The following MYRIP variants were observed in gnomAD, a reference collection of about 807,000 sequenced individuals.
MYRIP encodes rab effector MyRIP.
MYRIP carries 49 observed loss-of-function variants against 98.0 expected under a neutral mutation model. That is an observed-to-expected ratio of 0.50 (90% CI 0.40 to 0.63). MYRIP has a LOEUF of 0.63. Among genes scored for constraint, MYRIP ranks in the 30% least tolerant of loss-of-function variants. The pLI, the probability that MYRIP is intolerant of heterozygous loss-of-function variation, is 0.00. For missense variants in MYRIP, 1,004 were observed against 1,058.2 expected (o/e 0.95, Z 0.71); for synonymous variants, 404 against 409.5 (o/e 0.99, Z 0.16).
intron 2 of MYRIP, among the ~76,000 whole-genome samples, chr3:39,980,004 C>T (rs1575433428): frequency 6.6e-6 from 1 of 152,182 alleles, no homozygotes; most frequent in African/African-American, 2.4e-5. Flanking sequence ...AATGGGGAGG[C>T]AGAAATTAGT....
At chr3:39,998,241 A>G (rs907092853) in intron 2 of MYRIP, among the ~76,000 whole-genome samples, 2 of 152,220 alleles carry the variant, frequency 1.3e-5, no homozygotes, top group African/African-American at 4.8e-5. Context: ...AGGAAGTCAA[A>G]TTGTCCGTTT....
Position 39,966,428 on chromosome 3 carries a change from T to G in MYRIP, c.110+65502T>G, listed in dbSNP as rs1437660797. 6.6e-5 allele frequency among the ~76,000 whole-genome samples: 10 copies of G among 152,322 alleles called. No individual in the cohort carries two copies. In the East Asian group the frequency reaches 1.9e-3, roughly 29 times the overall value. On this transcript the variant is annotated intron_variant, in intron 2 of 16. Coordinates refer to ENST00000302541, the MANE Select transcript of MYRIP (RefSeq NM_015460.4). ...TCCAACTTCAAGAATAATAGTTTCT[T>G]AAAGGCACAGATTATATATCCTCAG...
At chr3:40,141,622 T>C (rs1559418256) in intron 3 of MYRIP, among the ~76,000 whole-genome samples, 1 of 152,344 alleles carries the variant, frequency 6.6e-6, no homozygotes, top group East Asian at 1.9e-4. Context: ...GATTTTTGTG[T>C]AGGGTGAGAG....
chr3:40,020,064 A>C (rs1258010608), intron 2 of MYRIP, among the ~76,000 whole-genome samples: 1 of 152,154 alleles, frequency 6.6e-6, no homozygotes, highest in Non-Finnish European at 1.5e-5. Context: ...TGATGCTGAG[A>C]TTTGTGATAC....
chr3:40,218,639 T>C lies in MYRIP; in HGVS notation c.1905+8546T>C, dbSNP rs1477596835. The stretch of plus-strand genomic sequence containing the variant: ...ATATATATATATATATATATATATA[T>C]ATATATATATATATATACATACACA... On this transcript the variant is annotated intron_variant, in intron 11 of 16. Transcript: ENST00000302541. Among the ~76,000 whole-genome samples the C allele has an allele frequency of 4.7e-4, 46 of 97,724 alleles. 4 individuals carry two copies. Among genetic ancestry groups the C allele is most frequent in the East Asian group, 4.6e-3 (12 of 2,626 alleles). The allele number at this position is 97,724 out of a possible 152,430, so 64.1% of individuals were successfully genotyped here.
At chr3:40,132,959 G>A (rs1408422431) in intron 3 of MYRIP, among the ~76,000 whole-genome samples, 1 of 152,236 alleles carries the variant, frequency 6.6e-6, no homozygotes, top group Non-Finnish European at 1.5e-5. Context: ...CCATGGAGGT[G>A]TTCATGTCAG....
chr3:40,069,056 G>C (rs1948174325), intron 3 of MYRIP, among the ~76,000 whole-genome samples: 3 of 152,156 alleles, frequency 2.0e-5, no homozygotes, highest in Non-Finnish European at 4.4e-5. Context: ...TTCTAAATAA[G>C]TAGTAGTATG....
chr3:40,190,498 C>A (rs771963085), intron 10 of MYRIP, 35 bp downstream of exon 10: 1 of 1,543,198 alleles, frequency 6.5e-7, no homozygotes, highest in Non-Finnish European at 8.7e-7. Context: ...TGCACACACA[C>A]TCTTTAGGTA....
rs984205765 is a variant in MYRIP, at chr3:39,999,221, TACCATCA to T, written c.111-44828_111-44822del. On this transcript the variant is annotated intron_variant, in intron 2 of 16. Coordinates refer to ENST00000302541, the MANE Select transcript of MYRIP (RefSeq NM_015460.4). ...AGAGCTTCTGCACAGCAAAAGAAAC[TACCATCA>T]GAGTGAACAGGCCACCTACAGAATG... Among the ~76,000 whole-genome samples, 4 of 152,170 alleles carry T rather than the reference TACCATCA, an allele frequency of 2.6e-5. No individual in the cohort carries two copies. In the East Asian group the frequency reaches 5.8e-4, roughly 22 times the overall value.
chr3:40,199,549 C>A (rs948860255), intron 10 of MYRIP, among the ~76,000 whole-genome samples: 9 of 152,108 alleles, frequency 5.9e-5, no homozygotes, highest in Non-Finnish European at 1.3e-4. Context: ...AGTGACACTC[C>A]CCTGAGAACA....
chr3:40,111,801 T>A (rs964386716), intron 3 of MYRIP, among the ~76,000 whole-genome samples: 2 of 152,064 alleles, frequency 1.3e-5, no homozygotes, highest in Non-Finnish European at 2.9e-5. Context: ...AGTAATTGAG[T>A]AATTACTGTG....
intron 2 of MYRIP, among the ~76,000 whole-genome samples, chr3:40,007,985 G>C (rs1194375084): frequency 6.6e-6 from 1 of 152,122 alleles, no homozygotes; most frequent in Non-Finnish European, 1.5e-5. Context: ...CCACATATCT[G>C]GGTACTGTGG....
intron 2 of MYRIP, among the ~76,000 whole-genome samples, chr3:39,909,302 A>G (rs909446041): frequency 6.6e-6 from 1 of 152,158 alleles, no homozygotes. Context: ...TAGTATTGGT[A>G]TTTTTGTCAA....
rs115837319 is a variant in MYRIP, at chr3:39,953,358, T to A, written c.110+52432T>A. Among the ~76,000 whole-genome samples the A allele has an allele frequency of 2.6e-3, 394 of 152,354 alleles. 5 individuals are homozygous for A. Among genetic ancestry groups the A allele is most frequent in the African/African-American group, 9.0e-3 (373 of 41,588 alleles). On this transcript the variant is annotated intron_variant, in intron 2 of 16. Transcript: ENST00000302541. Reference sequence around the variant, plus strand: ...GTTATTTTTGATAATTTTTTCTAGTTTTAAAAATCATTCACTTTTGGAGAG... The same window carrying A: ...GTTATTTTTGATAATTTTTTCTAGTATTAAAAATCATTCACTTTTGGAGAG...
Position 39,988,387 on chromosome 3 carries a change from G to C in MYRIP, c.111-55663G>C, listed in dbSNP as rs185645485. Among the ~76,000 whole-genome samples the C allele has an allele frequency of 1.5e-4, 23 of 152,236 alleles. 1 individual carries two copies. Among genetic ancestry groups the C allele is most frequent in the Admixed American group, 3.9e-4 (6 of 15,294 alleles). On this transcript the variant is annotated intron_variant, in intron 2 of 16. Transcript: ENST00000302541. Reference sequence around the variant, plus strand: ...TGGTGTTTCTGTTGAGAGGTCTGCTGATAGTTTGATGGGCTTCCCTTTGTA... The same window carrying C: ...TGGTGTTTCTGTTGAGAGGTCTGCTCATAGTTTGATGGGCTTCCCTTTGTA...
intron 1 of MYRIP, among the ~76,000 whole-genome samples, chr3:39,866,855 A>C (rs947725816): frequency 6.6e-6 from 1 of 152,122 alleles, no homozygotes; most frequent in Non-Finnish European, 1.5e-5. Flanking sequence ...AGCCACAAAA[A>C]CCTCCAAGTA....
intron 4 of MYRIP, among the ~76,000 whole-genome samples, chr3:40,157,424 A>G (rs1238448870): frequency 2.0e-5 from 3 of 147,982 alleles, no homozygotes; most frequent in African/African-American, 5.0e-5. Flanking sequence ...TTTTTGCATC[A>G]ATGTTCATCA....
chr3:39,846,722 G>T (rs573810084), intron 1 of MYRIP, among the ~76,000 whole-genome samples: 81 of 152,298 alleles, frequency 5.3e-4, no homozygotes, highest in African/African-American at 1.9e-3. Context: ...TAGGGTTCTT[G>T]AGAGAAACAG....
Position 39,822,468 on chromosome 3 carries a change from AT to A in MYRIP, c.-31+12562del, listed in dbSNP as rs143127204. Among the ~76,000 whole-genome samples, 31 of 149,264 alleles carry A rather than the reference AT, an allele frequency of 2.1e-4. No homozygotes were observed. The South Asian group carries it at 2.6e-3, about 12-fold the overall frequency. ...AAACATTATGAGATTTTTTTTTGCG[AT>A]TTTTTTTTTCTCATCAGCTCTCATT... On this transcript the variant is annotated intron_variant, in intron 1 of 16. Transcript: ENST00000302541.
Sources: gnomAD v4.1 joint callset for allele counts (sites outside exome capture counted in the v4.1 genomes callset) on GRCh38, gnomAD v4.1.1 for gene constraint, MANE v1.5 for transcripts, NCBI Gene and HGNC (gene_info 2026-07-23, HGNC 2026-07-21) for gene names.